The following MTBP variants were observed in gnomAD, a reference collection of about 807,000 sequenced individuals.
MTBP encodes the protein mdm2-binding protein.
Under a neutral mutation model 117.0 loss-of-function variants are expected in MTBP, and 101 were observed. That is an observed-to-expected ratio of 0.86 (90% CI 0.73 to 1.02). MTBP has a LOEUF of 1.02. Ranked by LOEUF, MTBP falls within the 50% of genes least tolerant of loss-of-function variation. The pLI, the probability that MTBP is intolerant of heterozygous loss-of-function variation, is 0.00. For missense variants in MTBP, 970 were observed against 1,030.9 expected (o/e 0.94, Z 0.81); for synonymous variants, 350 against 351.5 (o/e 1.00, Z 0.05).
At chr8:120,489,917 C>G (rs183140943) in intron 12 of MTBP, among the ~76,000 whole-genome samples, 31 of 152,226 alleles carry the variant, frequency 2.0e-4, no homozygotes, top group African/African-American at 7.5e-4. Context: ...GGAAAAAAAC[C>G]CAAGCTATCC....
At position 120,517,861 on chromosome 8, in the gene MTBP, T is replaced by G; in HGVS notation, c.2257T>G (p.Ser753Ala). The part of the protein sequence containing the change: ...CLYPRKRLVK[S>A]ESSESLLSQT... ...TCCCCTGCTATATAGACTTGTGAAATCTGAAAGTTCAGAGTCTCTTCTTTC... is the reference window on the plus strand; with the variant it reads ...TCCCCTGCTATATAGACTTGTGAAAGCTGAAAGTTCAGAGTCTCTTCTTTC... Residue 753 changes from serine (S) to alanine (A), a missense_variant, in exon 19 of 22, where the codon TCT (serine) becomes GCT (alanine). Coordinates refer to ENST00000305949, the MANE Select transcript of MTBP (RefSeq NM_022045.5). 6.2e-7 allele frequency: 1 copy of G among 1,610,680 alleles called. No individual in the cohort carries two copies. Among genetic ancestry groups the G allele is most frequent in the Middle Eastern group, 1.7e-4 (1 of 6,036 alleles).
chr8:120,523,177 C>A, intron 21 of MTBP, 121 bp from the exon 22 acceptor site: 1 of 688,000 alleles, frequency 1.5e-6, no homozygotes, highest in Non-Finnish European at 2.5e-6. Flanking sequence ...TATAAGATTT[C>A]AGTATCTTCC....
At chr8:120,467,902 T>A (rs1283426023) in intron 10 of MTBP, among the ~76,000 whole-genome samples, 4 of 152,192 alleles carry the variant, frequency 2.6e-5, no homozygotes, top group African/African-American at 4.8e-5. Flanking sequence ...AGCTAATGGG[T>A]CCCACCACAT....
chr8:120,505,719 C>G (rs1316791981), intron 15 of MTBP, among the ~76,000 whole-genome samples: 1 of 152,136 alleles, frequency 6.6e-6, no homozygotes, highest in Non-Finnish European at 1.5e-5. Context: ...GCTATGGTAA[C>G]AGAGCTAAGG....
chr8:120,450,516 T>C (rs1309182921), intron 2 of MTBP, among the ~76,000 whole-genome samples: 1 of 152,184 alleles, frequency 6.6e-6, no homozygotes, highest in African/African-American at 2.4e-5. Flanking sequence ...TTTTATATCC[T>C]CATATAATAC....
chr8:120,470,105 T>C (rs1007938573), intron 10 of MTBP, among the ~76,000 whole-genome samples: 16 of 152,316 alleles, frequency 1.1e-4, no homozygotes, highest in Admixed American at 3.3e-4. Context: ...AGGAAAAATA[T>C]AGCTTTCAGA....
Position 120,506,650 on chromosome 8 carries a change from G to C in MTBP, c.1728-56G>C. 2.3e-6 allele frequency: 3 copies of C among 1,278,246 alleles called. No homozygotes were observed. In the South Asian group the frequency reaches 6.6e-5, roughly 28 times the overall value. The allele number at this position is 1,278,246 out of a possible 1,614,324, so 79.2% of individuals were successfully genotyped here. A position where few individuals can be genotyped will look rare whatever the true frequency, so the allele number is the denominator to read the frequency against. ...GTGCTTTTTTTTTTTTTTGACTCTG[G>C]CTTCTCTCTGGATTGAATCCACTTT... On this transcript the variant is annotated intron_variant, in intron 15 of 21. Transcript: ENST00000305949.
At chr8:120,499,221 T>G (rs2130597420) in intron 14 of MTBP, among the ~76,000 whole-genome samples, 1 of 152,340 alleles carries the variant, frequency 6.6e-6, no homozygotes, top group East Asian at 1.9e-4. Context: ...TTGGACATGT[T>G]ACATTTCTTT....
At chr8:120,490,389 T>C in intron 12 of MTBP, 74 bp from the exon 13 acceptor site, 1 of 882,078 alleles carries the variant, frequency 1.1e-6, no homozygotes, top group Non-Finnish European at 1.8e-6. Flanking sequence ...TATAACACAT[T>C]TCCCAGGAAC....
At chr8:120,446,068 C>T (rs990275889) in intron 1 of MTBP, among the ~76,000 whole-genome samples, 1 of 152,158 alleles carries the variant, frequency 6.6e-6, no homozygotes, top group Admixed American at 6.5e-5. Context: ...CTTTTTGGTG[C>T]ACCCGTCTAG....
chr8:120,446,902 T>A (rs914098895), intron 2 of MTBP, among the ~76,000 whole-genome samples: 2 of 152,224 alleles, frequency 1.3e-5, no homozygotes, highest in Admixed American at 6.5e-5. Flanking sequence ...TAATTACCTA[T>A]TTCTGTTCTG....
intron 16 of MTBP, among the ~76,000 whole-genome samples, 175 bp downstream of exon 16, chr8:120,507,036 T>C: frequency 6.6e-6 from 1 of 152,106 alleles, no homozygotes; most frequent in East Asian, 1.9e-4. Context: ...CAAAATATCC[T>C]ACTGTTTTGT....
chr8:120,459,241 A>G lies in MTBP; in HGVS notation c.774A>G (p.Glu258=). ...RKFGFEISFP[E]FCLKGVTLKN... is the part of the protein sequence containing the mutation. ...TTGGATTTGAAATTAGTTTTCCTGA[A>G]TTTTGTTTAAAGGGAGTCACACTTA... The change falls in exon 8 of 22, where the codon GAA becomes GAG. Residue 258 remains glutamate (E), a synonymous_variant. Transcript: ENST00000305949. 6.2e-7 allele frequency: 1 copy of G among 1,609,352 alleles called. No homozygotes were observed. The highest frequency in any genetic ancestry group is 1.1e-5 in the South Asian group (1 of 89,824).
intron 13 of MTBP, among the ~76,000 whole-genome samples, chr8:120,494,442 A>C (rs944458067): frequency 3.3e-5 from 5 of 152,334 alleles, no homozygotes; most frequent in Admixed American, 6.5e-5. Context: ...AAAAGCTTCA[A>C]GTGGCAAACA....
chr8:120,453,824 C>T (rs748081712), intron 4 of MTBP, 23 bp from the exon 5 acceptor site: 6 of 1,397,858 alleles, frequency 4.3e-6, no homozygotes, highest in South Asian at 2.8e-5. Flanking sequence ...GTTTTCTTTC[C>T]CTAACTTACC....
chr8:120,453,862 T>A lies in MTBP; in HGVS notation c.441T>A (p.Ala147=), dbSNP rs764545777. ...TTTATTTTAGTCTCTATGAAGAAGC[T>A]GCAGAAAATTTGCATCAGCTGTCAG... ...SLSLADLYEE[A]AENLHQLSDK... Residue 147 remains alanine, a synonymous_variant, in exon 5 of 22, where the codon GCT becomes GCA. Transcript: ENST00000305949. 6.3e-7 allele frequency: 1 copy of A among 1,583,120 alleles called. No individual in the cohort carries two copies. The highest frequency in any genetic ancestry group is 1.2e-5 in the South Asian group (1 of 86,310).
intron 8 of MTBP, 60 bp downstream of exon 8, chr8:120,459,409 T>C (rs1047327390): frequency 2.0e-6 from 3 of 1,499,364 alleles, no homozygotes; most frequent in African/African-American, 2.8e-5. Flanking sequence ...CTATAAAATA[T>C]GTTTGAATCT....
At chr8:120,474,706 T>C (rs1345365398) in intron 11 of MTBP, among the ~76,000 whole-genome samples, 1 of 152,052 alleles carries the variant, frequency 6.6e-6, no homozygotes, top group Non-Finnish European at 1.5e-5. Flanking sequence ...TTTATTTGAA[T>C]ATACAGCAGA....
chr8:120,495,959 T>C (rs1032306403), intron 13 of MTBP, among the ~76,000 whole-genome samples: 6 of 152,262 alleles, frequency 3.9e-5, no homozygotes, highest in Admixed American at 1.3e-4. Flanking sequence ...TAATACCCAC[T>C]TCTCCCCCCC....
Sources: gnomAD v4.1 joint callset for allele counts (sites outside exome capture counted in the v4.1 genomes callset) on GRCh38, gnomAD v4.1.1 for gene constraint, MANE v1.5 for transcripts, NCBI Gene and HGNC (gene_info 2026-07-23, HGNC 2026-07-21) for gene names.